EPB41L3: variants seen among roughly 807,000 people sequenced by gnomAD.
EPB41L3 encodes erythrocyte membrane protein band 4.1 like 3.
A neutral mutation model predicts 127.1 loss-of-function variants in EPB41L3; 57 were observed. The ratio of observed to expected loss-of-function variants is 0.45; its 90% confidence interval spans 0.36 to 0.56. EPB41L3 has a LOEUF of 0.56. EPB41L3 is among the 20% of genes least tolerant of loss of function. The pLI is 0.00. For missense variants in EPB41L3, 1,273 were observed against 1,372.2 expected (o/e 0.93, Z 1.14); for synonymous variants, 572 against 549.5 (o/e 1.04, Z -0.57).
chr18:5,471,815 C>T (rs981075983), intron 3 of EPB41L3, among the ~76,000 whole-genome samples: 3 of 152,156 alleles, frequency 2.0e-5, no homozygotes, highest in South Asian at 2.1e-4. Context: ...TTCAGCATCA[C>T]GATGTCAGAA....
intron 3 of EPB41L3, among the ~76,000 whole-genome samples, chr18:5,583,393 C>G (rs1467071788): frequency 1.3e-5 from 2 of 152,352 alleles, no homozygotes; most frequent in South Asian, 2.1e-4. Context: ...AGAAAGCCCA[C>G]AGCCCCAGTC....
chr18:5,535,038 C>G (rs558991620), intron 1 of EPB41L3, among the ~76,000 whole-genome samples: 31 of 152,238 alleles, frequency 2.0e-4, no homozygotes, highest in African/African-American at 7.2e-4. Context: ...CTGATCTCCG[C>G]CTCCTGTCAG....
intron 8 of EPB41L3, among the ~76,000 whole-genome samples, chr18:5,431,057 G>T (rs1456773234): frequency 1.3e-5 from 2 of 152,090 alleles, no homozygotes; most frequent in Admixed American, 6.5e-5. Context: ...CTGCTCTGTG[G>T]TATATCCTAT....
intron 9 of EPB41L3, among the ~76,000 whole-genome samples, chr18:5,426,715 T>C (rs2145436296): frequency 6.6e-6 from 1 of 152,300 alleles, no homozygotes; most frequent in East Asian, 1.9e-4. Flanking sequence ...ACAATCAAAG[T>C]ATATGAGTCC....
chr18:5,517,087 C>T (rs1257038240), intron 1 of EPB41L3, among the ~76,000 whole-genome samples: 2 of 152,176 alleles, frequency 1.3e-5, no homozygotes, highest in Non-Finnish European at 1.5e-5. Context: ...AGAGCAACAT[C>T]GTCTTGTCGG....
intron 1 of EPB41L3, among the ~76,000 whole-genome samples, chr18:5,617,083 G>A (rs1003658749): frequency 6.6e-6 from 1 of 152,044 alleles, no homozygotes; most frequent in Non-Finnish European, 1.5e-5. Flanking sequence ...CTTCCCTCCA[G>A]TGATGTATAA....
Position 5,419,796 on chromosome 18 carries a change from G to C in EPB41L3, c.1421C>G (p.Ala474Gly). Reference sequence around the variant, plus strand: ...CTCTTCCTCGTCCCGCTCCTCCTCAGCCTTCTTCTCCGGAGTCACAGTGGT... The same window carrying C: ...CTCTTCCTCGTCCCGCTCCTCCTCACCCTTCTTCTCCGGAGTCACAGTGGT... ...LITTVTPEKK[A>G]EEERDEEEDK... Residue 474 changes from alanine to glycine, a missense_variant, in exon 12 of 23, where the codon GCT (alanine) becomes GGT (glycine). Around this residue, in one of 3 missense-constraint regions of EPB41L3, gnomAD observed 765 missense variants for 782.9 expected, o/e 0.98. Transcript: ENST00000341928. The C allele has an allele frequency of 1.2e-6, 2 of 1,614,184 alleles. No individual in the cohort carries two copies. Among genetic ancestry groups the C allele is most frequent in the South Asian group, 2.2e-5 (2 of 91,082 alleles).
chr18:5,528,751 T>C (rs8097586), intron 1 of EPB41L3, among the ~76,000 whole-genome samples: 37,554 of 151,734 alleles, frequency 0.25, 4,997 homozygotes, highest in African/African-American at 0.35. Flanking sequence ...GTACCCACCA[T>C]CACGTCTGGC....
chr18:5,564,044 A>T (rs1410801447), intron 3 of EPB41L3, among the ~76,000 whole-genome samples: 1 of 152,208 alleles, frequency 6.6e-6, no homozygotes, highest in Non-Finnish European at 1.5e-5. Flanking sequence ...AAAGAGAGAC[A>T]GCAGATCTAA....
At chr18:5,447,055 T>C (rs1291040326) in intron 3 of EPB41L3, among the ~76,000 whole-genome samples, 1 of 152,174 alleles carries the variant, frequency 6.6e-6, no homozygotes, top group Non-Finnish European at 1.5e-5. Flanking sequence ...TTCAAAGCAG[T>C]TGGATGAGAG....
chr18:5,474,147 C>T (rs564142687), intron 3 of EPB41L3, among the ~76,000 whole-genome samples: 24 of 151,720 alleles, frequency 1.6e-4, no homozygotes, highest in South Asian at 1.3e-3. Flanking sequence ...AGGAGAATGG[C>T]GTGAACATGG....
At chr18:5,482,042 A>G (rs1420860128) in intron 2 of EPB41L3, among the ~76,000 whole-genome samples, 3 of 152,216 alleles carry the variant, frequency 2.0e-5, no homozygotes, top group Non-Finnish European at 2.9e-5. Flanking sequence ...GGAAAATCCA[A>G]CCCTACAAGA....
chr18:5,630,074 G>T (rs998302346), upstream of EPB41L3, among the ~76,000 whole-genome samples: 1 of 152,164 alleles, frequency 6.6e-6, no homozygotes, highest in African/African-American at 2.4e-5. Context: ...CGGCTTCCGC[G>T]GCAGCTCCAA....
intron 2 of EPB41L3, among the ~76,000 whole-genome samples, chr18:5,485,997 A>G (rs1444857743): frequency 2.0e-5 from 3 of 152,128 alleles, no homozygotes; most frequent in Non-Finnish European, 4.4e-5. Flanking sequence ...ATGTCCTCAA[A>G]TTTACATGGA....
intron 1 of EPB41L3, among the ~76,000 whole-genome samples, chr18:5,530,948 T>C (rs1327633301): frequency 6.6e-6 from 1 of 152,166 alleles, no homozygotes; most frequent in Non-Finnish European, 1.5e-5. Flanking sequence ...GTACTCAAGA[T>C]ATACTCCACT....
intron 1 of EPB41L3, among the ~76,000 whole-genome samples, chr18:5,616,741 T>C (rs940435901): frequency 2.6e-5 from 4 of 152,126 alleles, no homozygotes; most frequent in Non-Finnish European, 5.9e-5. Flanking sequence ...ATAAAAATGC[T>C]ATTATATCAT....
At chr18:5,404,035 C>T (rs542920800) in intron 16 of EPB41L3, among the ~76,000 whole-genome samples, 1 of 152,246 alleles carries the variant, frequency 6.6e-6, no homozygotes, top group South Asian at 2.1e-4. Flanking sequence ...CTGGTTTGTT[C>T]TGAAGGCTAC....
chr18:5,546,267 T>C (rs1017052837), upstream of EPB41L3, among the ~76,000 whole-genome samples: 1 of 152,176 alleles, frequency 6.6e-6, no homozygotes, highest in Admixed American at 6.5e-5. Context: ...GCGCAGTGGC[T>C]CATGCCTGTA....
intron 3 of EPB41L3, among the ~76,000 whole-genome samples, chr18:5,460,305 C>A (rs2147072714): frequency 6.6e-6 from 1 of 152,208 alleles, no homozygotes; most frequent in Middle Eastern, 3.4e-3. Flanking sequence ...GTCTGGGAAA[C>A]AGCACACTGC....
Sources: gnomAD v4.1 joint callset for allele counts (sites outside exome capture counted in the v4.1 genomes callset) on GRCh38, gnomAD v4.1.1 for gene constraint, gnomAD v4.1.1 regional missense constraint, MANE v1.5 for transcripts, NCBI Gene and HGNC (gene_info 2026-07-23, HGNC 2026-07-21) for gene names.